ANKFY1: variants seen among roughly 807,000 people sequenced by gnomAD.
ANKFY1 encodes ankyrin repeat and FYVE domain containing 1, also known as ankyrin repeat and FYVE domain-containing protein 1.
A neutral mutation model predicts 128.3 loss-of-function variants in ANKFY1; 47 were observed. That is an observed-to-expected ratio of 0.37 (90% confidence interval 0.29 to 0.47). ANKFY1 has a LOEUF of 0.47. Ranked by LOEUF, ANKFY1 falls within the 20% of genes least tolerant of loss-of-function variation. The pLI is 1.00. For missense variants in ANKFY1, 1,222 were observed against 1,510.6 expected (o/e 0.81, Z 3.17); for synonymous variants, 553 against 601.6 (o/e 0.92, Z 1.18).
chr17:4,232,263 T>C (rs776553735), intron 3 of ANKFY1, among the ~76,000 whole-genome samples: 2 of 152,326 alleles, frequency 1.3e-5, no homozygotes, highest in South Asian at 2.1e-4. Flanking sequence ...CTTCCTCAAA[T>C]TGCTGCCATG....
chr17:4,177,665 C>T (rs2059432833), intron 18 of ANKFY1, among the ~76,000 whole-genome samples: 1 of 152,234 alleles, frequency 6.6e-6, no homozygotes, highest in Non-Finnish European at 1.5e-5. Context: ...AAAATGGAGA[C>T]AAGCCTTGGG....
intron 10 of ANKFY1, among the ~76,000 whole-genome samples, chr17:4,193,231 G>T (rs929553305): frequency 3.3e-5 from 5 of 152,102 alleles, no homozygotes; most frequent in Non-Finnish European, 5.9e-5. Flanking sequence ...AACTAGTTCT[G>T]TAAGAGTCTA....
At chr17:4,252,824 C>T (rs1468636613) in intron 1 of ANKFY1, among the ~76,000 whole-genome samples, 1 of 152,118 alleles carries the variant, frequency 6.6e-6, no homozygotes, top group Non-Finnish European at 1.5e-5. Flanking sequence ...ACAACTGTCA[C>T]ACATCCATAT....
rs1646692197 is a variant in ANKFY1 at position 4,256,091 on chromosome 17, C to G, written c.10+7841G>C. 4.0e-5 allele frequency among the ~76,000 whole-genome samples: 6 copies of G among 150,580 alleles called. No homozygotes were observed. The South Asian group carries it at 1.3e-3, about 34-fold the overall frequency. On this transcript the variant is annotated intron_variant, in intron 1 of 24. Transcript: ENST00000341657. ...TCGGCCTCCCAAAGTGCTGGGATTA[C>G]AGGTGTGAGGCACCACGCCCAGCCC... is the stretch of plus-strand genomic sequence containing the variant.
chr17:4,237,066 G>C (rs1966940500), intron 2 of ANKFY1, among the ~76,000 whole-genome samples: 1 of 152,040 alleles, frequency 6.6e-6, no homozygotes, highest in East Asian at 1.9e-4. Context: ...AACCCAGGAG[G>C]CAGAGGTTGC....
At chr17:4,258,943 A>C (rs969450845) in intron 1 of ANKFY1, among the ~76,000 whole-genome samples, 4 of 152,144 alleles carry the variant, frequency 2.6e-5, no homozygotes, top group Admixed American at 2.6e-4. Flanking sequence ...AAAAAATTAC[A>C]TTTTTTTCAA....
At chr17:4,213,800 C>T (rs187754598) in intron 4 of ANKFY1, among the ~76,000 whole-genome samples, 20 of 152,144 alleles carry the variant, frequency 1.3e-4, no homozygotes, top group African/African-American at 4.6e-4. Context: ...GTCTCGATCT[C>T]CTGACTTCGG....
intron 3 of ANKFY1, chr17:4,223,568 G>C: frequency 8.0e-7 from 1 of 1,244,516 alleles, no homozygotes. Context: ...GAGTTTTCTA[G>C]CACTAGTGAT....
chr17:4,173,717 C>CCACT (rs1289165628), intron 20 of ANKFY1, among the ~76,000 whole-genome samples, 192 bp downstream of exon 20: 1 of 152,190 alleles, frequency 6.6e-6, no homozygotes, highest in Non-Finnish European at 1.5e-5. Flanking sequence ...TCCAGGGCTC[C>CCACT]CACTCAGATG....
chr17:4,207,111 T>C (rs1221916187), intron 6 of ANKFY1, among the ~76,000 whole-genome samples: 1 of 151,828 alleles, frequency 6.6e-6, no homozygotes, highest in Non-Finnish European at 1.5e-5. Flanking sequence ...GCCCGACCTA[T>C]CTAACCACAG....
intron 3 of ANKFY1, chr17:4,223,907 A>C: frequency 1.6e-6 from 1 of 643,068 alleles, no homozygotes; most frequent in South Asian, 2.0e-5. Flanking sequence ...ACGCCAACAG[A>C]AGCACATTTG....
At chr17:4,237,538 T>C (rs1368946900) in intron 2 of ANKFY1, among the ~76,000 whole-genome samples, 8 of 152,256 alleles carry the variant, frequency 5.3e-5, no homozygotes, top group Admixed American at 4.6e-4. Context: ...TCCTAATAAC[T>C]TAAACAGATT....
At chr17:4,203,797 A>G (rs1474033353) in intron 7 of ANKFY1, among the ~76,000 whole-genome samples, 2 of 143,890 alleles carry the variant, frequency 1.4e-5, no homozygotes, top group Admixed American at 7.5e-5. Flanking sequence ...CCTGGGTGAC[A>G]GGAGCGAAAC....
intron 4 of ANKFY1, among the ~76,000 whole-genome samples, chr17:4,214,969 T>C (rs1035614429): frequency 6.6e-6 from 1 of 152,120 alleles, no homozygotes; most frequent in African/African-American, 2.4e-5. Context: ...ATTAACTGTC[T>C]TTTTTTAGTA....
intron 1 of ANKFY1, among the ~76,000 whole-genome samples, chr17:4,257,215 T>C (rs1037042271): frequency 6.6e-6 from 1 of 152,132 alleles, no homozygotes; most frequent in African/African-American, 2.4e-5. Flanking sequence ...GTGGTCTTTC[T>C]CCCATCAGTC....
At chr17:4,242,070 C>CA (rs1967261448) in intron 2 of ANKFY1, among the ~76,000 whole-genome samples, 186 bp downstream of exon 2, 1 of 132,450 alleles carries the variant, frequency 7.6e-6, no homozygotes, top group South Asian at 2.7e-4. Flanking sequence ...GCCTGGGTAA[C>CA]AGAGCAGGAC....
intron 3 of ANKFY1, among the ~76,000 whole-genome samples, chr17:4,221,197 T>G (rs1035459190): frequency 1.7e-4 from 26 of 152,242 alleles, no homozygotes; most frequent in African/African-American, 6.0e-4. Flanking sequence ...TGAAACATAC[T>G]GAGTAAACTG....
rs369647438 is a variant in ANKFY1 at position 4,191,461 on chromosome 17, C to T, written c.1373-1982G>A. 49 of 149,896 alleles carry T rather than the reference C, an allele frequency of 3.3e-4. 1 individual carries two copies. The East Asian group carries it at 4.4e-3, about 13-fold the overall frequency. 9.3% of individuals were successfully genotyped at this position (149,896 alleles called of 1,614,324 possible). On this transcript the variant is annotated intron_variant, in intron 10 of 24. Transcript: ENST00000341657. ...GTTGATGGTTACTCTAATCTGGAGA[C>T]GCCTAGTTGATGGTTACTCTAATCT...
chr17:4,184,620 C>T (rs996222732), intron 12 of ANKFY1, among the ~76,000 whole-genome samples, 198 bp downstream of exon 12: 1 of 152,208 alleles, frequency 6.6e-6, no homozygotes, highest in Admixed American at 6.5e-5. Flanking sequence ...GGGCAGGCCC[C>T]ATCCTGAAAA....
Sources: allele counts gnomAD v4.1 joint callset (sites outside exome capture counted in the v4.1 genomes callset), GRCh38; gene constraint gnomAD v4.1.1; transcripts MANE v1.5; gene names NCBI Gene and HGNC (gene_info 2026-07-23, HGNC 2026-07-21).